The following CSMD1 variants were observed in gnomAD, a reference collection of about 807,000 sequenced individuals.
CSMD1 encodes CUB and sushi domain-containing protein 1.
Under a neutral mutation model 417.5 loss-of-function variants are expected in CSMD1, and 213 were observed. That is an observed-to-expected ratio of 0.51 (90% CI 0.46 to 0.57). The LOEUF is 0.57. CSMD1 is among the 20% of genes least tolerant of loss of function. The probability of loss-of-function intolerance (pLI) is 0.00; values close to 1 mark genes in which losing one functional copy is unlikely to be tolerated. For synonymous variants in CSMD1, 2,862 were observed against 1,736.8 expected (o/e 1.65, Z -16.11); for missense variants, 6,923 against 4,529.7 (o/e 1.53, Z -15.17).
intron 2 of CSMD1, among the ~76,000 whole-genome samples, chr8:4,520,178 A>T (rs561178045): frequency 1.1e-4 from 16 of 152,278 alleles, no homozygotes; most frequent in Non-Finnish European, 2.4e-4. Flanking sequence ...CTCTGTTTCC[A>T]AACTCATAAA....
At chr8:4,221,059 C>T (rs529503337) in intron 3 of CSMD1, among the ~76,000 whole-genome samples, 1 of 152,016 alleles carries the variant, frequency 6.6e-6, no homozygotes, top group Non-Finnish European at 1.5e-5. Context: ...AGCGAAAAAC[C>T]CAAACTTTAG....
At chr8:3,684,351 A>T (rs1198003571) in intron 7 of CSMD1, among the ~76,000 whole-genome samples, 2 of 146,606 alleles carry the variant, frequency 1.4e-5, no homozygotes, top group African/African-American at 5.0e-5. Flanking sequence ...TAAAACATAC[A>T]AGCATGTTGT....
intron 3 of CSMD1, among the ~76,000 whole-genome samples, chr8:4,042,815 T>TTAAAAAAAAAAAAAAAAAAAAAAAAAAAA: frequency 2.4e-5 from 1 of 41,312 alleles, no homozygotes; most frequent in Non-Finnish European, 4.3e-5. Context: ...TACAACATAT[T>TTAAAAAAAAAAAAAAAAAAAAAAAAAAAA]AAAAAAAAAA....
intron 1 of CSMD1, among the ~76,000 whole-genome samples, chr8:4,868,755 A>C (rs1332694864): frequency 6.8e-6 from 1 of 146,338 alleles, no homozygotes; most frequent in East Asian, 2.1e-4. Flanking sequence ...GTGACTGTCA[A>C]ATATTGGCTG....
chr8:4,250,787 C>G (rs1428433653), intron 3 of CSMD1, among the ~76,000 whole-genome samples: 1 of 152,152 alleles, frequency 6.6e-6, no homozygotes, highest in South Asian at 2.1e-4. Context: ...TCAAAAATTA[C>G]TTTTCTCTGT....
chr8:4,201,153 T>C (rs1363336297), intron 3 of CSMD1, among the ~76,000 whole-genome samples: 1 of 152,188 alleles, frequency 6.6e-6, no homozygotes, highest in Non-Finnish European at 1.5e-5. Flanking sequence ...AGAATTAAAA[T>C]GACTACTGTA....
chr8:4,080,613 G>C lies in CSMD1; in HGVS notation c.416-48514C>G, dbSNP rs183656776. Among the ~76,000 whole-genome samples, 6 of 152,264 alleles carry C rather than the reference G, an allele frequency of 3.9e-5. No individual in the cohort carries two copies. The East Asian group carries it at 7.7e-4, about 20-fold the overall frequency. On this transcript the variant is annotated intron_variant, in intron 3 of 69. Transcript: ENST00000635120. ...GTCATAGTTTTTATATTCCTTTCTG[G>C]AGTTTAGAAGCTAAATTTTATCAGT...
chr8:3,932,181 G>C (rs17401015), intron 5 of CSMD1, among the ~76,000 whole-genome samples: 1 of 150,280 alleles, frequency 6.7e-6, no homozygotes, highest in Non-Finnish European at 1.5e-5. Context: ...CCTAACTGTA[G>C]ACACTGTTTC....
chr8:3,585,175 A>G (rs1247342985), intron 9 of CSMD1, among the ~76,000 whole-genome samples: 2 of 152,200 alleles, frequency 1.3e-5, no homozygotes, highest in Non-Finnish European at 2.9e-5. Context: ...GGGGCCAAAG[A>G]GTATTCTTAG....
At chr8:3,900,571 G>A (rs1807676966) in intron 5 of CSMD1, among the ~76,000 whole-genome samples, 3 of 151,856 alleles carry the variant, frequency 2.0e-5, no homozygotes, top group African/African-American at 7.3e-5. Context: ...GGGTGATACT[G>A]TAGCTGGATG....
At chr8:4,764,029 G>A (rs963749984) in intron 1 of CSMD1, among the ~76,000 whole-genome samples, 1 of 152,158 alleles carries the variant, frequency 6.6e-6, no homozygotes, top group Non-Finnish European at 1.5e-5. Context: ...AGAAGCAGCT[G>A]CTAGATGCCC....
intron 42 of CSMD1, among the ~76,000 whole-genome samples, chr8:3,114,189 A>G (rs1254864935): frequency 1.3e-5 from 2 of 152,194 alleles, no homozygotes; most frequent in Non-Finnish European, 2.9e-5. Flanking sequence ...GGCTACAGTG[A>G]GCAGTGATTG....
chr8:4,816,088 G>A (rs1176605011), intron 1 of CSMD1, among the ~76,000 whole-genome samples: 1 of 152,168 alleles, frequency 6.6e-6, no homozygotes, highest in African/African-American at 2.4e-5. Flanking sequence ...GAGCAGAACT[G>A]GGCAGAATGT....
intron 2 of CSMD1, among the ~76,000 whole-genome samples, chr8:4,567,505 A>C (rs922547393): frequency 1.3e-5 from 2 of 152,174 alleles, no homozygotes; most frequent in African/African-American, 2.4e-5. Flanking sequence ...TTCCCACTCC[A>C]ACTTAGAAAT....
intron 26 of CSMD1, among the ~76,000 whole-genome samples, chr8:3,244,756 A>G (rs1799771934): frequency 6.6e-6 from 1 of 152,212 alleles, no homozygotes; most frequent in African/African-American, 2.4e-5. Flanking sequence ...GGAGGGATAT[A>G]AAGTAATAAG....
intron 5 of CSMD1, among the ~76,000 whole-genome samples, chr8:3,947,417 G>A (rs1349881273): frequency 1.3e-5 from 2 of 151,970 alleles, no homozygotes; most frequent in Non-Finnish European, 2.9e-5. Flanking sequence ...ATAAATCACT[G>A]GATCTTATTT....
At chr8:3,590,029 G>C (rs1283027775) in intron 8 of CSMD1, among the ~76,000 whole-genome samples, 2 of 151,690 alleles carry the variant, frequency 1.3e-5, no homozygotes, top group Non-Finnish European at 2.9e-5. Flanking sequence ...AAATTTTTTT[G>C]GATATATTTG....
intron 5 of CSMD1, among the ~76,000 whole-genome samples, chr8:3,995,121 G>A (rs976033462): frequency 2.0e-5 from 3 of 152,160 alleles, no homozygotes; most frequent in Admixed American, 6.5e-5. Flanking sequence ...TAGAATTACT[G>A]TAAAATAATA....
chr8:4,277,286 A>G (rs1248507334), intron 3 of CSMD1, among the ~76,000 whole-genome samples: 2 of 152,094 alleles, frequency 1.3e-5, no homozygotes, highest in Non-Finnish European at 2.9e-5. Flanking sequence ...TATTCTGAAT[A>G]AATAAGCTTA....
Sources: allele counts gnomAD v4.1 joint callset (sites outside exome capture counted in the v4.1 genomes callset), GRCh38; gene constraint gnomAD v4.1.1; transcripts MANE v1.5; gene names NCBI Gene and HGNC (gene_info 2026-07-23, HGNC 2026-07-21).